Variants in SSBP2 observed in about 807,000 individuals in gnomAD.
SSBP2 encodes single-stranded DNA-binding protein 2.
SSBP2 carries 17 observed loss-of-function variants against 61.8 expected under a neutral mutation model. The observed-to-expected ratio is 0.28, with a 90% CI of 0.19 to 0.41. The LOEUF is 0.41. SSBP2 is among the 10% of genes least tolerant of loss of function. The pLI is 1.00. For missense variants in SSBP2, 310 were observed against 458.7 expected, an observed-to-expected ratio of 0.68 and a Z score of 2.96; for synonymous variants, 139 against 141.3, an observed-to-expected ratio of 0.98 and a Z score of 0.12.
intron 2 of SSBP2, among the ~76,000 whole-genome samples, chr5:81,639,575 A>C (rs1748586137): frequency 6.6e-6 from 1 of 152,156 alleles, no homozygotes; most frequent in African/African-American, 2.4e-5. Context: ...AGAGCAGGAA[A>C]ACAGTAAAGT....
intron 3 of SSBP2, among the ~76,000 whole-genome samples, chr5:81,633,349 C>G (rs945940915): frequency 2.0e-5 from 3 of 152,006 alleles, no homozygotes; most frequent in African/African-American, 7.3e-5. Context: ...CTCCTGATCT[C>G]AAGTGATCCA....
intron 1 of SSBP2, among the ~76,000 whole-genome samples, chr5:81,660,275 C>A (rs1390104014): frequency 6.6e-6 from 1 of 152,004 alleles, no homozygotes; most frequent in African/African-American, 2.4e-5. Flanking sequence ...ACCCATCTGA[C>A]AAAGGTCTAC....
At chr5:81,493,712 T>C (rs1476504223) in intron 5 of SSBP2, among the ~76,000 whole-genome samples, 1 of 151,382 alleles carries the variant, frequency 6.6e-6, no homozygotes, top group Non-Finnish European at 1.5e-5. Flanking sequence ...GCCAAGACCA[T>C]GCCATTGCAT....
rs1160481927 is a variant in SSBP2 at position 81,437,426 on chromosome 5, T to C, written c.957+4A>G. 1.2e-6 allele frequency: 2 copies of C among 1,606,868 alleles called. No individual in the cohort carries two copies. Among genetic ancestry groups the C allele is most frequent in the African/African-American group, 2.7e-5 (2 of 74,638 alleles). On this transcript the variant is annotated splice_donor_region_variant and intron_variant, in intron 15 of 16. Coordinates refer to ENST00000320672, the MANE Select transcript of SSBP2 (RefSeq NM_012446.5). The stretch of plus-strand genomic sequence containing the variant: ...AAAAACAACACAGAATACACAGCAC[T>C]CACCTTGGAAATACTGTCCATATCT...
chr5:81,503,217 G>T (rs567649075), intron 5 of SSBP2, among the ~76,000 whole-genome samples: 60 of 152,276 alleles, frequency 3.9e-4, no homozygotes, highest in African/African-American at 1.3e-3. Context: ...CACTTTTGGA[G>T]ACTGAGGCAG....
chr5:81,671,839 G>A (rs1258535431), intron 1 of SSBP2, among the ~76,000 whole-genome samples: 1 of 152,204 alleles, frequency 6.6e-6, no homozygotes, highest in Non-Finnish European at 1.5e-5. Context: ...AAGAAACCAT[G>A]GAAGAGGTTC....
chr5:81,704,656 C>T (rs1475008902), intron 1 of SSBP2, among the ~76,000 whole-genome samples: 6 of 151,784 alleles, frequency 4.0e-5, no homozygotes, highest in African/African-American at 1.4e-4. Flanking sequence ...ATTAGTTGGG[C>T]GTAGTGGCGC....
chr5:81,464,781 C>T (rs1176767655), intron 9 of SSBP2, among the ~76,000 whole-genome samples: 2 of 152,034 alleles, frequency 1.3e-5, no homozygotes, highest in Non-Finnish European at 2.9e-5. Flanking sequence ...TTTCTAATGC[C>T]TTTTTCTTCC....
At chr5:81,522,861 A>C (rs919624729) in intron 4 of SSBP2, among the ~76,000 whole-genome samples, 1 of 152,096 alleles carries the variant, frequency 6.6e-6, no homozygotes, top group Non-Finnish European at 1.5e-5. Flanking sequence ...AATATTTTAC[A>C]TGTTATTTTC....
chr5:81,475,881 T>A (rs1765552385), intron 6 of SSBP2, among the ~76,000 whole-genome samples: 1 of 152,088 alleles, frequency 6.6e-6, no homozygotes. Flanking sequence ...ATAAATATGC[T>A]GATTGAATAA....
intron 8 of SSBP2, among the ~76,000 whole-genome samples, chr5:81,467,550 C>T (rs1293997518): frequency 1.3e-5 from 2 of 151,862 alleles, no homozygotes; most frequent in African/African-American, 4.8e-5. Context: ...TACAAATACA[C>T]AAAAAGTATA....
chr5:81,751,239 G>A (rs906176282), upstream of SSBP2: 4 of 604,782 alleles, frequency 6.6e-6, no homozygotes, highest in African/African-American at 7.4e-5. Context: ...CGAAGCGCGC[G>A]GTGGCGGCTA....
chr5:81,718,215 TAAG>T (rs1285014359), intron 1 of SSBP2, among the ~76,000 whole-genome samples: 4 of 152,134 alleles, frequency 2.6e-5, no homozygotes, highest in Admixed American at 6.5e-5. Flanking sequence ...GGAATTGACA[TAAG>T]AAGGAGGATG....
intron 1 of SSBP2, among the ~76,000 whole-genome samples, chr5:81,693,202 T>TAAAA (rs34403567): frequency 1.9e-4 from 22 of 116,026 alleles, no homozygotes; most frequent in Admixed American, 3.7e-4. Context: ...GACTTTGTCT[T>TAAAA]AAAAAAAAAA....
At position 81,573,068 on chromosome 5, in the gene SSBP2, C is replaced by T. The variant is rs1182456660; in HGVS notation, c.282+42405G>A. Reference sequence around the variant, plus strand: ...ATTTATATGTATTTTTTTCAAATGACATTAAATGTTTATATCATGGATACT... The same window carrying T: ...ATTTATATGTATTTTTTTCAAATGATATTAAATGTTTATATCATGGATACT... On this transcript the variant is annotated intron_variant, in intron 4 of 16. Transcript: ENST00000320672. Among the ~76,000 whole-genome samples the T allele has an allele frequency of 3.3e-5, 5 of 151,918 alleles. 1 individual carries two copies. Among genetic ancestry groups the T allele is most frequent in the African/African-American group, 9.7e-5 (4 of 41,342 alleles).
At chr5:81,690,004 A>C (rs1753088432) in intron 1 of SSBP2, among the ~76,000 whole-genome samples, 1 of 152,128 alleles carries the variant, frequency 6.6e-6, no homozygotes, top group Non-Finnish European at 1.5e-5. Context: ...TTCTTTATGC[A>C]ATCAGTGTTA....
chr5:81,557,647 C>T (rs574339401), intron 4 of SSBP2, among the ~76,000 whole-genome samples: 1 of 152,194 alleles, frequency 6.6e-6, no homozygotes, highest in African/African-American at 2.4e-5. Context: ...ACCATTAATC[C>T]CATCCAGTGC....
chr5:81,516,242 A>G (rs1360370212), intron 4 of SSBP2, among the ~76,000 whole-genome samples: 2 of 152,006 alleles, frequency 1.3e-5, no homozygotes, highest in Non-Finnish European at 2.9e-5. Context: ...GATGTACCAC[A>G]TTTTTACAGT....
chr5:81,579,822 T>C (rs1019917011), intron 4 of SSBP2, among the ~76,000 whole-genome samples: 2 of 152,270 alleles, frequency 1.3e-5, no homozygotes, highest in South Asian at 4.1e-4. Flanking sequence ...CAGCTGCCAA[T>C]GACAGTTTTC....
Sources: allele counts gnomAD v4.1 joint callset (sites outside exome capture counted in the v4.1 genomes callset), GRCh38; gene constraint gnomAD v4.1.1; transcripts MANE v1.5; gene names NCBI Gene and HGNC (gene_info 2026-07-23, HGNC 2026-07-21).